PAK3: variants seen among roughly 807,000 people sequenced by gnomAD.
The protein encoded by PAK3 is serine/threonine-protein kinase PAK 3.
Under a neutral mutation model 41.0 loss-of-function variants are expected in PAK3, and 4 were observed. The ratio of observed to expected loss-of-function variants is 0.10; its 90% CI spans 0.05 to 0.22. The LOEUF (loss-of-function observed/expected upper bound fraction) is 0.22. PAK3 is among the 10% of genes least tolerant of loss of function. The pLI is 1.00. For missense variants in PAK3, 205 were observed against 409.9 expected (o/e 0.50, Z 4.32); for synonymous variants, 146 against 139.6 (o/e 1.05, Z -0.32).
chrX:110,966,283 C>T (rs190024441), intron 1 of PAK3, among the ~76,000 whole-genome samples: 11 of 111,185 alleles, frequency 9.9e-5, no homozygotes, highest in African/African-American at 3.6e-4. Context: ...CTTAGCAGAC[C>T]ATTTTTGATT....
At chrX:111,178,509 A>C (rs1393660792) in intron 11 of PAK3, among the ~76,000 whole-genome samples, 1 of 111,874 alleles carries the variant, frequency 8.9e-6, no homozygotes, top group Admixed American at 9.5e-5. Flanking sequence ...GTATCTCATA[A>C]GGTTGTAAAA....
intron 1 of PAK3, among the ~76,000 whole-genome samples, chrX:111,069,728 C>T (rs758597755): frequency 9.1e-5 from 10 of 110,453 alleles, no homozygotes; most frequent in Non-Finnish European, 1.9e-4. Context: ...CCTTTACTGA[C>T]ACCTCACACA....
chrX:111,203,560 A>G (rs2094707045), intron 16 of PAK3, among the ~76,000 whole-genome samples: 1 of 111,644 alleles, frequency 9.0e-6, no homozygotes, highest in Non-Finnish European at 1.9e-5. Flanking sequence ...CAGACCTCTT[A>G]TCTACACTAG....
In PAK3 at chrX:111,146,895, T is replaced by C. The variant is rs1048222040; in HGVS notation, c.277-842T>C. The stretch of plus-strand genomic sequence containing the variant: ...GAATGTTGAATGCTCAATGCAAAGC[T>C]AACCTCTAATTTTTGCAATTCTCCT... On this transcript the variant is annotated intron_variant, in intron 6 of 17. Coordinates refer to ENST00000372007, the MANE Select transcript of PAK3 (RefSeq NM_002578.5). Among the ~76,000 whole-genome samples the C allele has an allele frequency of 2.7e-5, 3 of 111,936 alleles. No homozygotes were observed. The South Asian group carries it at 1.1e-3, about 43-fold the overall frequency.
chrX:110,967,531 T>C (rs2091106913), intron 1 of PAK3, among the ~76,000 whole-genome samples: 1 of 111,314 alleles, frequency 9.0e-6, no homozygotes, highest in African/African-American at 3.3e-5. Flanking sequence ...ACGATTCCCA[T>C]GGAAGAGAGC....
intron 1 of PAK3, among the ~76,000 whole-genome samples, chrX:111,022,829 A>T (rs1248969606): frequency 9.0e-6 from 1 of 111,196 alleles, no homozygotes; most frequent in Non-Finnish European, 1.9e-5. Context: ...AACTTAAGGT[A>T]AAGGGGTAGA....
chrX:111,126,795 C>A (rs1386927324), intron 5 of PAK3, among the ~76,000 whole-genome samples: 6 of 111,320 alleles, frequency 5.4e-5, no homozygotes. Context: ...TTTTTGAATT[C>A]TTTTACTTTT....
chrX:111,029,738 G>A (rs2092319041), intron 1 of PAK3, among the ~76,000 whole-genome samples: 1 of 111,856 alleles, frequency 8.9e-6, no homozygotes, highest in African/African-American at 3.2e-5. Context: ...CTTCTTGGGA[G>A]CACTTCCAGC....
intron 4 of PAK3, among the ~76,000 whole-genome samples, chrX:111,115,149 A>G (rs1431431263): frequency 1.8e-5 from 2 of 112,175 alleles, no homozygotes; most frequent in Non-Finnish European, 3.8e-5. Flanking sequence ...CATGAACTAA[A>G]GATGAACCAT....
intron 1 of PAK3, among the ~76,000 whole-genome samples, chrX:110,961,004 A>T (rs995439715): frequency 9.0e-6 from 1 of 110,610 alleles, no homozygotes. Context: ...GTGTCAATAT[A>T]TTTTTTTTCC....
At chrX:111,206,380 C>T (rs1019726040) in intron 16 of PAK3, among the ~76,000 whole-genome samples, 4 of 111,600 alleles carry the variant, frequency 3.6e-5, no homozygotes, top group South Asian at 7.6e-4. Flanking sequence ...TAAGCACAAG[C>T]AGCCCCCTCT....
At chrX:111,145,065 A>G in intron 6 of PAK3, 2 of 356,170 alleles carry the variant, frequency 5.6e-6, no homozygotes. Flanking sequence ...TCAGACATTG[A>G]TATGTGCTCC....
chrX:111,002,423 TG>T (rs2091862888), intron 1 of PAK3, among the ~76,000 whole-genome samples: 1 of 111,732 alleles, frequency 8.9e-6, no homozygotes, highest in Admixed American at 9.5e-5. Context: ...ACACATGCTC[TG>T]AAAAGGCAGA....
chrX:111,090,087 A>G (rs2092918483), intron 1 of PAK3, among the ~76,000 whole-genome samples: 1 of 110,489 alleles, frequency 9.1e-6, no homozygotes, highest in Non-Finnish European at 1.9e-5. Context: ...GTTTACCTCC[A>G]GGGAAATGAA....
intron 1 of PAK3, among the ~76,000 whole-genome samples, chrX:110,951,235 C>A (rs1046856256): frequency 8.9e-6 from 1 of 111,907 alleles, no homozygotes; most frequent in Non-Finnish European, 1.9e-5. Flanking sequence ...AACCATTTAA[C>A]TCTTCTCTAT....
At chrX:111,093,679 C>T (rs948034494), upstream of PAK3, among the ~76,000 whole-genome samples, 3 of 112,197 alleles carry the variant, frequency 2.7e-5, no homozygotes, top group African/African-American at 9.7e-5. Flanking sequence ...TCTATGACAT[C>T]ACTATGCTTT....
intron 1 of PAK3, among the ~76,000 whole-genome samples, chrX:111,048,617 C>A (rs1358842331): frequency 1.8e-5 from 2 of 111,753 alleles, no homozygotes; most frequent in African/African-American, 6.5e-5. Context: ...AAGCCTCATT[C>A]TTGATCCTAT....
intron 11 of PAK3, among the ~76,000 whole-genome samples, chrX:111,179,946 C>G (rs1302926887): frequency 9.1e-6 from 1 of 110,438 alleles, no homozygotes; most frequent in African/African-American, 3.3e-5. Context: ...TTAGTAGATA[C>G]GGGGTTTCAC....
chrX:111,054,984 G>A (rs2092591759), intron 1 of PAK3, among the ~76,000 whole-genome samples: 1 of 112,084 alleles, frequency 8.9e-6, no homozygotes, highest in Non-Finnish European at 1.9e-5. Context: ...TATAACTGCT[G>A]CACCAAGCAT....
Sources: allele counts gnomAD v4.1 joint callset (sites outside exome capture counted in the v4.1 genomes callset), GRCh38; gene constraint gnomAD v4.1.1; transcripts MANE v1.5; gene names NCBI Gene and HGNC (gene_info 2026-07-23, HGNC 2026-07-21).